ZNF99: variants seen among roughly 807,000 people sequenced by gnomAD.
ZNF99 encodes the protein zinc finger protein ENSP00000375192.
ZNF99 carries 8 observed loss-of-function variants against 12.8 expected under a neutral mutation model. That is an observed-to-expected ratio of 0.62 (90% CI 0.37 to 1.13). ZNF99 has a LOEUF of 1.13. Among genes scored for constraint, ZNF99 ranks in the 50% most tolerant of loss-of-function variants. The pLI is 0.02. For synonymous variants in ZNF99, 318 were observed against 319.0 expected, an observed-to-expected ratio of 1.00 and a Z score of 0.03; for missense variants, 1,007 against 1,006.2, an observed-to-expected ratio of 1.00 and a Z score of -0.01.
chr19:22,755,073 CAAAAAAAAA>C lies in ZNF99; in HGVS notation c.*2232_*2240del, dbSNP rs34161305. On this transcript the variant is annotated 3_prime_UTR_variant, in exon 4 of 4. Coordinates refer to ENST00000596209, the MANE Select transcript of ZNF99 (RefSeq NM_001080409.3). ...GGGCAACTAGGGCGAAACTCTGTTT[CAAAAAAAAA>C]AAAAAAAAAATTGAAGAATGCTTAT... The C allele has an allele frequency of 0.18, 26,142 of 146,996 alleles. 2,220 individuals are homozygous for C. The highest frequency in any genetic ancestry group is 0.23 in the South Asian group (1,263 of 5,560). The allele number at this position is 146,996 out of a possible 1,614,324, so 9.1% of individuals were successfully genotyped here. A position where few individuals can be genotyped will look rare whatever the true frequency, so the allele number is the denominator to read the frequency against.
At chr19:22,775,100 CCAAGG>C (rs372069602) in intron 1 of ZNF99, among the ~76,000 whole-genome samples, 75 of 152,162 alleles carry the variant, frequency 4.9e-4, no homozygotes, top group Middle Eastern at 3.4e-3. Flanking sequence ...GCCTGAGTAG[CCAAGG>C]CAATCCTAAG....
chr19:22,770,550 T>TTG (rs1973256819), intron 1 of ZNF99: 2 of 152,304 alleles, frequency 1.3e-5, no homozygotes, highest in Admixed American at 1.3e-4. Flanking sequence ...AGAGACAGGG[T>TTG]TTCACCATCT....
At chr19:22,775,224 A>G (rs1054622670) in intron 1 of ZNF99, among the ~76,000 whole-genome samples, 1 of 152,174 alleles carries the variant, frequency 6.6e-6, no homozygotes, top group Non-Finnish European at 1.5e-5. Flanking sequence ...CTTATAGAAC[A>G]ATGCAACAGA....
Position 22,758,868 on chromosome 19 carries a change from G to C in ZNF99, c.1041C>G (p.Gly347=), listed in dbSNP as rs1179572030. 2 of 1,613,490 alleles carry C rather than the reference G, an allele frequency of 1.2e-6. No individual in the cohort carries two copies. Among genetic ancestry groups the C allele is most frequent in the Non-Finnish European group, 1.7e-6 (2 of 1,179,846 alleles). ...GKKPYKCEEC[G]KAFSQSSTLR... is the part of the protein sequence containing the mutation. The stretch of plus-strand genomic sequence containing the variant: ...GGGTTGAGGACTGGCTAAAAGCTTT[G>C]CCACATTCTTCACATTTGTAGGGTT... Residue 347 remains glycine (G), a synonymous_variant, in exon 4 of 4, where the codon GGC becomes GGG. Transcript: ENST00000596209.
Position 22,756,524 on chromosome 19 carries a change from G to C in ZNF99, c.*790C>G, listed in dbSNP as rs56115674. 5.4e-4 allele frequency: 844 copies of C among 1,570,426 alleles called. 20 individuals carry two copies. The South Asian group carries it at 8.9e-3, about 17-fold the overall frequency. On this transcript the variant is annotated 3_prime_UTR_variant, in exon 4 of 4. Coordinates refer to ENST00000596209, the MANE Select transcript of ZNF99 (RefSeq NM_001080409.3). ...GAGAAATGGCTAAAAGCTTTGCCAC[G>C]TTCTTCACATTTGTAGGGTTTCTCT...
At chr19:22,780,685 C>G (rs112815824) in intron 1 of ZNF99, among the ~76,000 whole-genome samples, 12,645 of 137,074 alleles carry the variant, frequency 0.092, 551 homozygotes, top group Middle Eastern at 0.11. Flanking sequence ...GAATGAAACT[C>G]TGTTTCAAAA....
At chr19:22,763,467 G>A (rs1284192492) in intron 3 of ZNF99, among the ~76,000 whole-genome samples, 1 of 151,972 alleles carries the variant, frequency 6.6e-6, no homozygotes, top group Admixed American at 6.6e-5. Flanking sequence ...AAACACTGCT[G>A]AAAGAAATCA....
Position 22,754,009 on chromosome 19 carries a change from T to G in ZNF99, c.*3305A>C, listed in dbSNP as rs1303119111. On this transcript the variant is annotated 3_prime_UTR_variant, in exon 4 of 4. Coordinates refer to ENST00000596209, the MANE Select transcript of ZNF99 (RefSeq NM_001080409.3). ...AGGTGTTCTCAAGAGCACTGTCATG[T>G]CTTTTAGGTTTGTAGAGCTTCTCTC... is the stretch of plus-strand genomic sequence containing the variant. 1 of 456,090 alleles carries G rather than the reference T, an allele frequency of 2.2e-6. No homozygotes were observed. Among genetic ancestry groups the G allele is most frequent in the Admixed American group, 2.3e-5 (1 of 42,578 alleles). The allele number at this position is 456,090 out of a possible 1,614,324, so 28.3% of individuals were successfully genotyped here.
Position 22,752,640 on chromosome 19 carries a change from C to A in ZNF99, c.*4674G>T, listed in dbSNP as rs942383296. ...AAACTGTTGCCATCTCTTACCTACA[C>A]CCTTGAGTAAGGTGGGATAGGTTAA... On this transcript the variant is annotated 3_prime_UTR_variant, in exon 4 of 4. Transcript: ENST00000596209. 1.3e-4 allele frequency: 20 copies of A among 152,052 alleles called. No individual in the cohort carries two copies. The highest frequency in any genetic ancestry group is 4.8e-4 in the African/African-American group (20 of 41,420). The allele number at this position is 152,052 out of a possible 1,614,324, so 9.4% of individuals were successfully genotyped here. A position where few individuals can be genotyped will look rare whatever the true frequency, so the allele number is the denominator to read the frequency against.
chr19:22,778,457 C>T (rs1973352758), intron 1 of ZNF99, among the ~76,000 whole-genome samples: 1 of 152,158 alleles, frequency 6.6e-6, no homozygotes, highest in Non-Finnish European at 1.5e-5. Flanking sequence ...CACCCAGAGT[C>T]AGCACACACC....
At chr19:22,763,669 C>A (rs977065814) in intron 3 of ZNF99, among the ~76,000 whole-genome samples, 1 of 151,922 alleles carries the variant, frequency 6.6e-6, no homozygotes, top group African/African-American at 2.4e-5. Flanking sequence ...CCTGCATAGC[C>A]AAAGCAAGAC....
At chr19:22,764,036 G>A (rs1973178640) in intron 3 of ZNF99, among the ~76,000 whole-genome samples, 1 of 149,334 alleles carries the variant, frequency 6.7e-6, no homozygotes, top group Non-Finnish European at 1.5e-5. Flanking sequence ...AGCCTCCCAA[G>A]TAGCTGGGAT....
In ZNF99 at chr19:22,756,794, G is replaced by T. The variant is rs1480444524; in HGVS notation, c.*520C>A. The T allele has an allele frequency of 1.2e-6, 2 of 1,608,704 alleles. No individual in the cohort carries two copies. Among genetic ancestry groups the T allele is most frequent in the African/African-American group, 2.7e-5 (2 of 73,466 alleles). On this transcript the variant is annotated 3_prime_UTR_variant, in exon 4 of 4. Coordinates refer to ENST00000596209, the MANE Select transcript of ZNF99 (RefSeq NM_001080409.3). ...TTGCCACATTCTTCACATTTGTAGG[G>T]TTTCTTTCCAGTATAATTATCTCAT...
In ZNF99 at chr19:22,759,134, A is replaced by C. The variant is rs1384194659; in HGVS notation, c.775T>G (p.Cys259Gly). The C allele has an allele frequency of 1.9e-6, 3 of 1,611,092 alleles. No homozygotes were observed. Among genetic ancestry groups the C allele is most frequent in the Non-Finnish European group, 2.5e-6 (3 of 1,178,512 alleles). ...TTAAAAACTTTGCCACATTCTTCAC[A>C]TTTGCAGGGTTTCTTTCCAGTATGA... is the stretch of plus-strand genomic sequence containing the variant. ...IIHTGKKPCK[C>G]EECGKVFNNS... Residue 259 changes from cysteine (C) to glycine (G), a missense_variant, in exon 4 of 4, where the codon TGT becomes GGT. Cys to Gly is a radical substitution (Grantham distance 159). Transcript: ENST00000596209.
intron 1 of ZNF99, among the ~76,000 whole-genome samples, chr19:22,773,164 C>A (rs1315089076): frequency 6.6e-6 from 1 of 152,180 alleles, no homozygotes; most frequent in Non-Finnish European, 1.5e-5. Flanking sequence ...ACAGCATGCA[C>A]TTTGCAGCAC....
intron 1 of ZNF99, among the ~76,000 whole-genome samples, chr19:22,781,403 C>CT (rs35970718): frequency 0.019 from 1,659 of 87,868 alleles, 27 homozygotes; most frequent in Middle Eastern, 0.03. Context: ...ATTGGGGTCA[C>CT]TTTTTTTTTT....
At chr19:22,763,677 G>C (rs1973173625) in intron 3 of ZNF99, among the ~76,000 whole-genome samples, 1 of 151,886 alleles carries the variant, frequency 6.6e-6, no homozygotes. Flanking sequence ...GCCAAAGCAA[G>C]ACTAAGCAAA....
intron 1 of ZNF99, among the ~76,000 whole-genome samples, chr19:22,773,401 A>C (rs1431018506): frequency 2.0e-5 from 3 of 152,208 alleles, no homozygotes; most frequent in Admixed American, 1.3e-4. Flanking sequence ...AGTCTGCTTA[A>C]GAGACTGCAA....
intron 1 of ZNF99, among the ~76,000 whole-genome samples, chr19:22,771,664 A>G (rs1973271929): frequency 6.7e-6 from 1 of 148,262 alleles, no homozygotes; most frequent in African/African-American, 2.5e-5. Flanking sequence ...TTTCCCCAAT[A>G]GGAATCTTGA....
Sources: gnomAD v4.1 joint callset for allele counts (sites outside exome capture counted in the v4.1 genomes callset) on GRCh38, gnomAD v4.1.1 for gene constraint, MANE v1.5 for transcripts, NCBI Gene and HGNC (gene_info 2026-07-23, HGNC 2026-07-21) for gene names.